The following CDH13 variants were observed in gnomAD, a reference collection of about 807,000 sequenced individuals.
CDH13 encodes cadherin 13, also known as cadherin-13.
Under a neutral mutation model 63.8 loss-of-function variants are expected in CDH13, and 24 were observed. The observed-to-expected ratio is 0.38, with a 90% CI of 0.27 to 0.53. CDH13 has a LOEUF of 0.53. Among genes scored for constraint, CDH13 ranks in the 20% least tolerant of loss-of-function variants. CDH13 has a pLI of 0.85. For missense variants in CDH13, 1,049 were observed against 903.1 expected (o/e 1.16, Z -2.07); for synonymous variants, 503 against 355.3 (o/e 1.42, Z -4.67).
At chr16:83,653,456 T>G (rs62966661) in intron 8 of CDH13, among the ~76,000 whole-genome samples, 2 of 141,880 alleles carry the variant, frequency 1.4e-5, no homozygotes, top group Admixed American at 1.4e-4. Flanking sequence ...TTTTTTTTTT[T>G]CCTCCATAGC....
At chr16:83,578,854 C>T (rs943847283) in intron 7 of CDH13, among the ~76,000 whole-genome samples, 22 of 152,292 alleles carry the variant, frequency 1.4e-4, no homozygotes, top group African/African-American at 4.8e-4. Context: ...CACAACAATG[C>T]GGTGAGGCAG....
At chr16:83,342,986 C>T (rs932695412) in intron 5 of CDH13, among the ~76,000 whole-genome samples, 1 of 150,218 alleles carries the variant, frequency 6.7e-6, no homozygotes, top group Non-Finnish European at 1.5e-5. Context: ...GCAGTATTCT[C>T]ATAATAGCTT....
At chr16:82,821,912 A>T (rs1036369328) in intron 1 of CDH13, among the ~76,000 whole-genome samples, 1 of 152,160 alleles carries the variant, frequency 6.6e-6, no homozygotes, top group Admixed American at 6.5e-5. Context: ...AATCCTGGGG[A>T]TTGCACCTCC....
At chr16:83,579,337 T>A (rs1044408426) in intron 7 of CDH13, among the ~76,000 whole-genome samples, 1 of 152,058 alleles carries the variant, frequency 6.6e-6, no homozygotes, top group South Asian at 2.1e-4. Flanking sequence ...GGGCAATATA[T>A]AAAGAAAAGA....
At chr16:82,861,167 G>C (rs78012284) in intron 2 of CDH13, among the ~76,000 whole-genome samples, 1,532 of 152,208 alleles carry the variant, frequency 0.01, 31 homozygotes, top group African/African-American at 0.035. Context: ...AAATGGTTAG[G>C]GATGTTTTAG....
At chr16:83,264,609 C>G (rs765981757) in intron 5 of CDH13, among the ~76,000 whole-genome samples, 6 of 151,252 alleles carry the variant, frequency 4.0e-5, no homozygotes, top group South Asian at 2.1e-4. Flanking sequence ...AAGACTAATG[C>G]AATAACTTTT....
At chr16:83,323,925 T>G (rs1310642782) in intron 5 of CDH13, among the ~76,000 whole-genome samples, 2 of 152,232 alleles carry the variant, frequency 1.3e-5, no homozygotes, top group Non-Finnish European at 2.9e-5. Context: ...TTAAACAGCC[T>G]TATTAAGATA....
intron 1 of CDH13, among the ~76,000 whole-genome samples, chr16:82,841,120 G>C (rs2038991044): frequency 6.6e-6 from 1 of 152,196 alleles, no homozygotes; most frequent in Non-Finnish European, 1.5e-5. Context: ...TCCATCAGGA[G>C]GTCAACCTTA....
At chr16:83,626,239 T>A (rs1176214507) in intron 8 of CDH13, among the ~76,000 whole-genome samples, 2 of 152,116 alleles carry the variant, frequency 1.3e-5, no homozygotes, top group Non-Finnish European at 2.9e-5. Flanking sequence ...TCCTCCTCGT[T>A]GTAATTGTTT....
chr16:82,627,285 C>A, intron 1 of CDH13, 148 bp downstream of exon 1: 1 of 700,750 alleles, frequency 1.4e-6, no homozygotes, highest in Non-Finnish European at 2.5e-6. Flanking sequence ...GAGGTCATTC[C>A]GAGCCCAGAG....
intron 2 of CDH13, among the ~76,000 whole-genome samples, chr16:82,861,124 A>T (rs1332124381): frequency 6.6e-6 from 1 of 152,242 alleles, no homozygotes; most frequent in Non-Finnish European, 1.5e-5. Flanking sequence ...CATAGATTCC[A>T]TTTCCTGAAT....
intron 2 of CDH13, among the ~76,000 whole-genome samples, chr16:82,964,364 C>T (rs1000609058): frequency 3.3e-5 from 5 of 152,190 alleles, no homozygotes; most frequent in African/African-American, 1.2e-4. Context: ...TCTCAAAACA[C>T]CACCAATGTA....
At chr16:82,888,130 A>G (rs1262203386) in intron 2 of CDH13, among the ~76,000 whole-genome samples, 2 of 152,156 alleles carry the variant, frequency 1.3e-5, no homozygotes, top group African/African-American at 4.8e-5. Flanking sequence ...AAGTTCCAAA[A>G]AGCACCGAAC....
intron 2 of CDH13, among the ~76,000 whole-genome samples, chr16:82,967,922 C>A (rs111626856): frequency 2.6e-3 from 398 of 152,264 alleles, no homozygotes; most frequent in African/African-American, 9.0e-3. Flanking sequence ...TACCTTGTTT[C>A]TTTTCATATT....
chr16:83,267,961 C>T (rs988749362), intron 5 of CDH13, among the ~76,000 whole-genome samples: 3 of 152,116 alleles, frequency 2.0e-5, no homozygotes, highest in African/African-American at 4.8e-5. Flanking sequence ...ATGAGATGAC[C>T]ATGAATGGCA....
intron 8 of CDH13, among the ~76,000 whole-genome samples, chr16:83,636,637 C>T (rs1442598474): frequency 2.0e-5 from 3 of 152,174 alleles, no homozygotes; most frequent in Non-Finnish European, 4.4e-5. Context: ...ACATAGTATT[C>T]CACGGTGTTT....
chr16:83,498,720 T>C (rs1414616669), intron 7 of CDH13, among the ~76,000 whole-genome samples: 1 of 152,218 alleles, frequency 6.6e-6, no homozygotes, highest in Non-Finnish European at 1.5e-5. Context: ...TTATTGATAT[T>C]TATATGTGTG....
intron 1 of CDH13, among the ~76,000 whole-genome samples, chr16:82,783,678 A>G (rs1180949214): frequency 6.6e-6 from 1 of 152,250 alleles, no homozygotes; most frequent in Non-Finnish European, 1.5e-5. Flanking sequence ...AATTTCAGTG[A>G]GAGGACTTCT....
chr16:83,705,368 A>G (rs969704407), intron 10 of CDH13, among the ~76,000 whole-genome samples: 1 of 152,208 alleles, frequency 6.6e-6, no homozygotes, highest in Non-Finnish European at 1.5e-5. Context: ...CACGCCTGTA[A>G]TCCTAGCACT....
Sources: allele counts gnomAD v4.1 joint callset (sites outside exome capture counted in the v4.1 genomes callset), GRCh38; gene constraint gnomAD v4.1.1; transcripts MANE v1.5; gene names NCBI Gene and HGNC (gene_info 2026-07-23, HGNC 2026-07-21).